The following GANC variants were observed in gnomAD, a reference collection of about 807,000 sequenced individuals.
GANC encodes glucosidase alpha, neutral C, also known as neutral alpha-glucosidase C.
Under a neutral mutation model 124.2 loss-of-function variants are expected in GANC, and 117 were observed. The observed-to-expected ratio is 0.94, with a 90% CI of 0.81 to 1.10. The LOEUF (loss-of-function observed/expected upper bound fraction) is 1.10, where lower values mean the gene tolerates loss of function less well. Among genes scored for constraint, GANC ranks in the 50% least tolerant of loss-of-function variants. The pLI is 0.00. For missense variants in GANC, 1,140 were observed against 1,095.0 expected (o/e 1.04, Z -0.58); for synonymous variants, 377 against 376.8 (o/e 1.00, Z -0.01).
At chr15:42,319,225 G>A (rs535157477) in intron 10 of GANC, among the ~76,000 whole-genome samples, 7 of 152,096 alleles carry the variant, frequency 4.6e-5, no homozygotes, top group African/African-American at 1.7e-4. Context: ...ATCCTGAAAT[G>A]TGTACATCCT....
chr15:42,330,769 C>CT lies in GANC; in HGVS notation c.1741+97_1741+98insT. ...GTTACTGTGCTGATGCCTTCCTTTT[C>CT]CTTTTTTTTTTTTTTTTTTTTTTCA... On this transcript the variant is annotated intron_variant, in intron 15 of 23. Transcript: ENST00000318010. 13 of 365,302 alleles carry CT rather than the reference C, an allele frequency of 3.6e-5. No homozygotes were observed. The South Asian group carries it at 3.7e-4, about 10-fold the overall frequency. 22.6% of individuals were successfully genotyped at this position (365,302 alleles called of 1,614,324 possible). A position where few individuals can be genotyped will look rare whatever the true frequency, so the allele number is the denominator to read the frequency against.
intron 15 of GANC, among the ~76,000 whole-genome samples, chr15:42,331,344 A>T (rs1356511671): frequency 6.6e-6 from 1 of 152,192 alleles, no homozygotes; most frequent in African/African-American, 2.4e-5. Flanking sequence ...CCTCTAACAC[A>T]TTCCATTAAC....
chr15:42,277,210 T>G lies in GANC; in HGVS notation c.92+800T>G, dbSNP rs532645805. 7.2e-5 allele frequency among the ~76,000 whole-genome samples: 11 copies of G among 152,314 alleles called. No individual in the cohort carries two copies. The South Asian group carries it at 2.3e-3, about 32-fold the overall frequency. ...ACCAGATTTCCCTCCATAGGAATTA[T>G]ACCATTTGTACTCCTATCAACATTA... is the stretch of plus-strand genomic sequence containing the variant. On this transcript the variant is annotated intron_variant, in intron 2 of 23. Coordinates refer to ENST00000318010, the MANE Select transcript of GANC (RefSeq NM_198141.3).
intron 1 of GANC, 171 bp from the exon 2 acceptor site, chr15:42,276,177 T>G: frequency 4.0e-6 from 2 of 497,280 alleles, no homozygotes; most frequent in Non-Finnish European, 3.7e-6. Context: ...AGGCTATTGT[T>G]CTGCAACATA....
At chr15:42,294,795 C>T (rs1230996981) in intron 5 of GANC, among the ~76,000 whole-genome samples, 1 of 151,152 alleles carries the variant, frequency 6.6e-6, no homozygotes, top group Non-Finnish European at 1.5e-5. Context: ...TATGGCTTTA[C>T]CATGATTCAC....
intron 4 of GANC, among the ~76,000 whole-genome samples, chr15:42,288,921 TCTACTATCCTGAAGGATAGTA>T (rs2051817302): frequency 6.6e-6 from 1 of 152,210 alleles, no homozygotes; most frequent in Non-Finnish European, 1.5e-5. Flanking sequence ...TATGTTATTT[TCTACTATCCTGAAGGATAGTA>T]CAGCCTTCAC....
intron 23 of GANC, 64 bp downstream of exon 23, chr15:42,351,496 A>C: frequency 8.7e-7 from 1 of 1,151,342 alleles, no homozygotes; most frequent in Non-Finnish European, 1.3e-6. Context: ...CTGCAGTGAG[A>C]TGATTAGTCC....
chr15:42,318,596 T>A (rs1392256113), intron 10 of GANC, among the ~76,000 whole-genome samples: 1 of 152,222 alleles, frequency 6.6e-6, no homozygotes, highest in African/African-American at 2.4e-5. Flanking sequence ...GATCTTTTGT[T>A]TGTTTGTTTG....
At chr15:42,317,116 A>G (rs1389025823) in intron 10 of GANC, among the ~76,000 whole-genome samples, 1 of 152,158 alleles carries the variant, frequency 6.6e-6, no homozygotes, top group Non-Finnish European at 1.5e-5. Context: ...TTGCCTCGGC[A>G]CCTGGGTAAT....
At chr15:42,307,682 G>T (rs545512191) in intron 7 of GANC, among the ~76,000 whole-genome samples, 26 of 152,146 alleles carry the variant, frequency 1.7e-4, no homozygotes, top group Non-Finnish European at 2.5e-4. Flanking sequence ...TTGGTTAAAG[G>T]AAATTTATAT....
chr15:42,348,193 C>G lies in GANC; in HGVS notation c.2395C>G (p.Leu799Val), dbSNP rs144637703. The G allele has an allele frequency of 3.1e-6, 5 of 1,610,728 alleles. No homozygotes were observed. Among genetic ancestry groups the G allele is most frequent in the Non-Finnish European group, 4.2e-6 (5 of 1,178,308 alleles). The change falls in exon 21 of 24, where the codon CTC becomes GTC. Residue 799 changes from leucine to valine, a missense_variant. Physicochemically the swap from Leu to Val is conservative, Grantham distance 32. Transcript: ENST00000318010. ...CTGGATGACTGAATCCTCCTATGGA[C>G]TCCGGGTTGCTCTAAGCACTAAGGT... ...TGWMTESSYG[L>V]RVALSTKGSS...
At chr15:42,333,250 A>C (rs1386437472) in intron 15 of GANC, among the ~76,000 whole-genome samples, 4 of 151,636 alleles carry the variant, frequency 2.6e-5, no homozygotes, top group African/African-American at 7.3e-5. Context: ...ATTTCTTGCA[A>C]CTGGGAAGTG....
At chr15:42,330,297 T>C (rs2052232215) in intron 14 of GANC, among the ~76,000 whole-genome samples, 1 of 152,202 alleles carries the variant, frequency 6.6e-6, no homozygotes, top group Admixed American at 6.5e-5. Flanking sequence ...ATGAGAAAAT[T>C]ATATTAAATG....
At chr15:42,275,558 A>G (rs2051662214) in intron 1 of GANC, among the ~76,000 whole-genome samples, 1 of 139,484 alleles carries the variant, frequency 7.2e-6, no homozygotes, top group Non-Finnish European at 1.5e-5. Flanking sequence ...ATTCGGCCAC[A>G]CTAGTGCATG....
chr15:42,326,214 C>T (rs1206275254), intron 11 of GANC, 84 bp from the exon 12 acceptor site: 3 of 914,202 alleles, frequency 3.3e-6, no homozygotes, highest in Admixed American at 4.5e-5. Flanking sequence ...AAAAATTGAA[C>T]CCCCAAACTA....
At chr15:42,322,097 G>C (rs1443051328) in intron 11 of GANC, 77 bp downstream of exon 11, 15 of 1,165,432 alleles carry the variant, frequency 1.3e-5, no homozygotes, top group Admixed American at 7.2e-5. Context: ...TGGCACATCA[G>C]TGGTGGAGAA....
chr15:42,331,924 T>G (rs2052248960), intron 15 of GANC, among the ~76,000 whole-genome samples: 1 of 152,148 alleles, frequency 6.6e-6, no homozygotes, highest in Non-Finnish European at 1.5e-5. Context: ...TTAACCTAAT[T>G]TTGTATTGAT....
In GANC at chr15:42,274,260, C is replaced by A; in HGVS notation, c.-222C>A. The A allele has an allele frequency of 3.6e-6, 2 of 559,196 alleles. No individual in the cohort carries two copies. The highest frequency in any genetic ancestry group is 6.4e-6 in the Non-Finnish European group (2 of 314,718). The allele number at this position is 559,196 out of a possible 1,614,324, so 34.6% of individuals were successfully genotyped here. On this transcript the variant is annotated 5_prime_UTR_variant, in exon 1 of 24. Transcript: ENST00000318010. Reference sequence around the variant, plus strand: ...GCCACCCATAATCAAGACAAATTTGCCAAATAAATCATTGTAGAAACGCTA... The same window carrying A: ...GCCACCCATAATCAAGACAAATTTGACAAATAAATCATTGTAGAAACGCTA...
intron 1 of GANC, among the ~76,000 whole-genome samples, chr15:42,275,256 C>G (rs1383732451): frequency 6.6e-6 from 1 of 152,114 alleles, no homozygotes; most frequent in Non-Finnish European, 1.5e-5. Flanking sequence ...GGCCTGTAGT[C>G]CCAGCTACTC....
Sources: allele counts gnomAD v4.1 joint callset (sites outside exome capture counted in the v4.1 genomes callset), GRCh38; gene constraint gnomAD v4.1.1; transcripts MANE v1.5; gene names NCBI Gene and HGNC (gene_info 2026-07-23, HGNC 2026-07-21).